Variants in PCDH15 observed in about 807,000 individuals in gnomAD.
PCDH15 encodes protocadherin-15.
A neutral mutation model predicts 178.5 loss-of-function variants in PCDH15; 129 were observed. That is an observed-to-expected ratio of 0.72 (90% CI 0.63 to 0.84). The LOEUF (loss-of-function observed/expected upper bound fraction) is 0.84, where lower values mean the gene tolerates loss of function less well. Among genes scored for constraint, PCDH15 ranks in the 40% least tolerant of loss-of-function variants. The probability of loss-of-function intolerance (pLI) is 0.00; values close to 1 mark genes in which losing one functional copy is unlikely to be tolerated. For synonymous variants in PCDH15, 800 were observed against 732.0 expected (o/e 1.09, Z -1.50); for missense variants, 2,230 against 2,099.9 (o/e 1.06, Z -1.21).
At chr10:54,757,650 A>G (rs10763141) in intron 1 of PCDH15, among the ~76,000 whole-genome samples, 106,672 of 151,882 alleles carry the variant, frequency 0.7, 37,959 homozygotes, top group Middle Eastern at 0.76. Flanking sequence ...TGGTAGTCAC[A>G]GTGCTATGCC....
chr10:54,824,822 ATCTT>A (rs1697938141), intron 3 of PCDH15, among the ~76,000 whole-genome samples: 1 of 152,118 alleles, frequency 6.6e-6, no homozygotes, highest in African/African-American at 2.4e-5. Flanking sequence ...ATGTTATGTT[ATCTT>A]TCTTTATTAT....
chr10:55,493,208 T>C (rs1017304486), intron 2 of PCDH15, among the ~76,000 whole-genome samples: 9 of 150,330 alleles, frequency 6.0e-5, no homozygotes, highest in African/African-American at 2.2e-4. Flanking sequence ...GAACACTAGG[T>C]AGAATAAATG....
intron 2 of PCDH15, among the ~76,000 whole-genome samples, chr10:55,574,568 T>C (rs1196520549): frequency 6.6e-6 from 1 of 152,060 alleles, no homozygotes; most frequent in African/African-American, 2.4e-5. Flanking sequence ...CTTTATAATC[T>C]GAAATCTACT....
chr10:54,890,446 T>G (rs925967872), intron 3 of PCDH15, among the ~76,000 whole-genome samples: 1 of 151,944 alleles, frequency 6.6e-6, no homozygotes, highest in South Asian at 2.1e-4. Context: ...AAAATATAAC[T>G]GTGCCGTAGT....
intron 13 of PCDH15, among the ~76,000 whole-genome samples, chr10:54,178,130 C>G (rs371631713): frequency 2.0e-5 from 3 of 152,120 alleles, no homozygotes; most frequent in Non-Finnish European, 4.4e-5. Context: ...GGATGGGAAC[C>G]AGGGAAGTTT....
chr10:53,886,561 AGCTG>A (rs1375805552), intron 26 of PCDH15, among the ~76,000 whole-genome samples: 1 of 145,520 alleles, frequency 6.9e-6, no homozygotes, highest in Non-Finnish European at 1.5e-5. Context: ...TTGGGGCAGG[AGCTG>A]CTAGTCGTTT....
intron 3 of PCDH15, among the ~76,000 whole-genome samples, chr10:54,810,268 A>G (rs774807312): frequency 1.3e-5 from 2 of 152,134 alleles, no homozygotes; most frequent in Non-Finnish European, 2.9e-5. Context: ...TCTCAGAAGT[A>G]TTGTTTTTAT....
At chr10:53,982,591 G>A (rs1178182913) in intron 21 of PCDH15, among the ~76,000 whole-genome samples, 3 of 148,122 alleles carry the variant, frequency 2.0e-5, no homozygotes, top group Non-Finnish European at 4.5e-5. Context: ...AACACCGCAT[G>A]TTCTCACTCA....
rs150554467 is a variant in PCDH15, at chr10:54,567,624, T to C, written c.92-39747A>G. 9.9e-3 allele frequency among the ~76,000 whole-genome samples: 1,504 copies of C among 152,306 alleles called. 25 individuals are homozygous for C. Among genetic ancestry groups the C allele is most frequent in the African/African-American group, 0.035 (1,448 of 41,568 alleles). On this transcript the variant is annotated intron_variant, in intron 2 of 37. Transcript: ENST00000644397. ...AAATAGCATAACCTTTTGAATCGAA[T>C]TGAATAGTTCAAGATCTCTATGCTC...
At chr10:54,674,100 T>C (rs1051889033) in intron 1 of PCDH15, among the ~76,000 whole-genome samples, 1 of 152,208 alleles carries the variant, frequency 6.6e-6, no homozygotes, top group Non-Finnish European at 1.5e-5. Context: ...ACTATATCAA[T>C]GCAGAGGCAG....
At chr10:54,873,501 A>G (rs891606789) in intron 3 of PCDH15, among the ~76,000 whole-genome samples, 13 of 148,340 alleles carry the variant, frequency 8.8e-5, no homozygotes, top group Non-Finnish European at 1.6e-4. Flanking sequence ...ATATACGTGT[A>G]TGTATATATA....
intron 26 of PCDH15, 27 bp downstream of exon 26, chr10:53,903,216 T>C: frequency 6.2e-7 from 1 of 1,610,844 alleles, no homozygotes; most frequent in Non-Finnish European, 8.5e-7. Context: ...TTACTTTAGT[T>C]CTGTATATTA....
intron 28 of PCDH15, among the ~76,000 whole-genome samples, chr10:53,854,723 A>G (rs2078611123): frequency 6.6e-6 from 1 of 152,094 alleles, no homozygotes; most frequent in Non-Finnish European, 1.5e-5. Flanking sequence ...TTTATATGGA[A>G]TATTTACCAT....
chr10:54,582,638 T>C (rs1020279083), intron 2 of PCDH15, among the ~76,000 whole-genome samples: 3 of 152,052 alleles, frequency 2.0e-5, no homozygotes, highest in African/African-American at 7.2e-5. Flanking sequence ...ACTGGCAAGG[T>C]GTGGTGTCTC....
At chr10:55,111,288 C>T (rs1301024663) in intron 2 of PCDH15, among the ~76,000 whole-genome samples, 1 of 152,106 alleles carries the variant, frequency 6.6e-6, no homozygotes, top group Non-Finnish European at 1.5e-5. Flanking sequence ...TAATTTACAT[C>T]TAGTCTAATG....
chr10:54,882,476 T>C (rs1339276934), intron 3 of PCDH15, among the ~76,000 whole-genome samples: 2 of 152,076 alleles, frequency 1.3e-5, no homozygotes, highest in African/African-American at 2.4e-5. Context: ...AACCTAATTA[T>C]ATTTTTCTTT....
At chr10:54,845,303 G>A (rs1313646028) in intron 3 of PCDH15, among the ~76,000 whole-genome samples, 2 of 151,944 alleles carry the variant, frequency 1.3e-5, no homozygotes, top group African/African-American at 4.8e-5. Flanking sequence ...GGGTTTTCTG[G>A]CTTGAGGAAG....
chr10:54,714,221 T>C (rs1257192819), intron 1 of PCDH15, among the ~76,000 whole-genome samples: 11 of 152,154 alleles, frequency 7.2e-5, no homozygotes, highest in Admixed American at 7.2e-4. Context: ...GTGTCAGATA[T>C]CCTGTGAAGT....
chr10:54,114,717 A>T (rs1317384895), intron 15 of PCDH15, among the ~76,000 whole-genome samples: 2 of 152,192 alleles, frequency 1.3e-5, no homozygotes, highest in Non-Finnish European at 2.9e-5. Flanking sequence ...AAATGTAAGC[A>T]AAGTCTGCAG....
Sources: allele counts gnomAD v4.1 joint callset (sites outside exome capture counted in the v4.1 genomes callset), GRCh38; gene constraint gnomAD v4.1.1; transcripts MANE v1.5; gene names NCBI Gene and HGNC (gene_info 2026-07-23, HGNC 2026-07-21).